The following SPPL2C variants were observed in gnomAD, a reference collection of about 807,000 sequenced individuals.
SPPL2C encodes signal peptide peptidase like 2C, also known as signal peptide peptidase-like 2C.
A neutral mutation model predicts 38.8 loss-of-function variants in SPPL2C; 33 were observed. The ratio of observed to expected loss-of-function variants is 0.85; its 90% CI spans 0.64 to 1.14. The LOEUF is 1.14. SPPL2C is among the 50% of genes most tolerant of loss of function. SPPL2C has a pLI of 0.00. For synonymous variants in SPPL2C, 384 were observed against 390.7 expected, an observed-to-expected ratio of 0.98 and a Z score of 0.20; for missense variants, 899 against 904.4, an observed-to-expected ratio of 0.99 and a Z score of 0.08.
rs1315346639 is a variant in SPPL2C at position 45,846,628 on chromosome 17, C to T, written c.1722C>T (p.Ser574=). The change falls in exon 1 of 1, where the codon AGC becomes AGT. Residue 574 remains serine (S), a synonymous_variant. Coordinates refer to ENST00000329196, the MANE Select transcript of SPPL2C (RefSeq NM_175882.3). ...GTSRGAGDLD[S]NPGEDTTEIV... is the part of the protein sequence containing the mutation. ...GCCGAGGAGCAGGGGACTTAGACAGCAACCCTGGAGAAGACACCACTGAGA... is the reference window on the plus strand; with the variant it reads ...GCCGAGGAGCAGGGGACTTAGACAGTAACCCTGGAGAAGACACCACTGAGA... 1 of 1,614,110 alleles carries T rather than the reference C, an allele frequency of 6.2e-7. No homozygotes were observed. Among genetic ancestry groups the T allele is most frequent in the African/African-American group, 1.3e-5 (1 of 74,948 alleles).
rs1401674914 is a variant in SPPL2C at position 45,845,684 on chromosome 17, G to C, written c.778G>C (p.Val260Leu). 6.2e-7 allele frequency: 1 copy of C among 1,613,674 alleles called. No homozygotes were observed. The change falls in exon 1 of 1, where the codon GTC (valine) becomes CTC (leucine). Residue 260 changes from valine (V) to leucine (L), a missense_variant. Coordinates refer to ENST00000329196, the MANE Select transcript of SPPL2C (RefSeq NM_175882.3). ...CACGCCGGCCATGACAGGCGTGGTG[G>C]TCACCCTGTCCTGCTCGCTCATGCT... is the stretch of plus-strand genomic sequence containing the variant. ...DFTPAMTGVV[V>L]TLSCSLMLLL...
Position 45,846,226 on chromosome 17 carries a change from C to T in SPPL2C, c.1320C>T (p.Pro440=), listed in dbSNP as rs2062544211. ...RVSALTLCSQ[P]FSILGFGDIV... is the part of the protein sequence containing the mutation. ...CCGCCTTGACCCTGTGCAGCCAGCC[C>T]TTCTCCATCCTTGGCTTCGGTGACA... is the stretch of plus-strand genomic sequence containing the variant. The change falls in exon 1 of 1, where the codon CCC becomes CCT. Residue 440 remains proline, a synonymous_variant. Transcript: ENST00000329196. 2 of 1,614,110 alleles carry T rather than the reference C, an allele frequency of 1.2e-6. No homozygotes were observed. Among genetic ancestry groups the T allele is most frequent in the Admixed American group, 1.7e-5 (1 of 60,004 alleles).
Position 45,846,821 on chromosome 17 carries a change from C to A in SPPL2C, c.1915C>A (p.Pro639Thr), listed in dbSNP as rs774067301. 3.1e-6 allele frequency: 5 copies of A among 1,613,976 alleles called. No homozygotes were observed. The South Asian group carries it at 3.3e-5, about 11-fold the overall frequency. The change falls in exon 1 of 1, where the codon CCC becomes ACC. Residue 639 changes from proline (P) to threonine (T), a missense_variant. Pro to Thr is a conservative substitution (Grantham distance 38). Coordinates refer to ENST00000329196, the MANE Select transcript of SPPL2C (RefSeq NM_175882.3). ...MPMAMLIPLMPLMPPPSELGH... is the reference protein window; with the variant it reads ...MPMAMLIPLMTLMPPPSELGH... ...AATGGCCATGCTGATCCCACTCATGCCCCTGATGCCCCCGCCCTCAGAGCT... is the reference window on the plus strand; with the variant it reads ...AATGGCCATGCTGATCCCACTCATGACCCTGATGCCCCCGCCCTCAGAGCT...
In SPPL2C at chr17:45,846,326, G is replaced by A. The variant is rs1296305858; in HGVS notation, c.1420G>A (p.Val474Met). ...AGTCTGCTCCCGTCAGATCTACTTC[G>A]TGGCCTGCACCGTGGCCTATGCTGT... is the stretch of plus-strand genomic sequence containing the variant. ...VQVCSRQIYF[V>M]ACTVAYAVGL... is the part of the protein sequence containing the mutation. Residue 474 changes from valine to methionine, a missense_variant, in exon 1 of 1, where the codon GTG becomes ATG. Val to Met is a conservative substitution (Grantham distance 21). Coordinates refer to ENST00000329196, the MANE Select transcript of SPPL2C (RefSeq NM_175882.3). 31 of 1,613,824 alleles carry A rather than the reference G, an allele frequency of 1.9e-5. No individual in the cohort carries two copies. Among genetic ancestry groups the A allele is most frequent in the African/African-American group, 4.0e-5 (3 of 74,874 alleles).
rs150496239 is a variant in SPPL2C, at chr17:45,844,960, C to G, written c.54C>G (p.Thr18=). The stretch of plus-strand genomic sequence containing the variant: ...TGGGCTTCCTCCTCCTCATCAGCAC[C>G]GTGGCCGGGGGAAAGTACGGCGTGG... ...LPVGFLLLIS[T]VAGGKYGVAH... The change falls in exon 1 of 1, where the codon ACC becomes ACG. Residue 18 remains threonine (T), a synonymous_variant. Transcript: ENST00000329196. 6 of 1,614,012 alleles carry G rather than the reference C, an allele frequency of 3.7e-6. No individual in the cohort carries two copies. The highest frequency in any genetic ancestry group is 3.3e-5 in the Admixed American group (2 of 60,018).
In SPPL2C at chr17:45,845,387, A is replaced by C; in HGVS notation, c.481A>C (p.Ile161Leu). 1.9e-6 allele frequency: 3 copies of C among 1,613,704 alleles called. No individual in the cohort carries two copies. Among genetic ancestry groups the C allele is most frequent in the Non-Finnish European group, 2.5e-6 (3 of 1,180,034 alleles). Residue 161 changes from isoleucine to leucine, a missense_variant, in exon 1 of 1, where the codon ATC becomes CTC. Transcript: ENST00000329196. ...AMLHYADMLDILSHTRGEAVV... is the reference protein window; with the variant it reads ...AMLHYADMLDLLSHTRGEAVV... ...GCTCCACTATGCTGACATGCTGGACATCCTCAGCCACACTCGTGGGGAGGC... is the reference window on the plus strand; with the variant it reads ...GCTCCACTATGCTGACATGCTGGACCTCCTCAGCCACACTCGTGGGGAGGC...
chr17:45,844,892 T>C lies in SPPL2C; in HGVS notation c.-15T>C. On this transcript the variant is annotated 5_prime_UTR_variant, in exon 1 of 1. It removes the in-frame stop codon of an upstream open reading frame in the 5' UTR. Transcript: ENST00000329196. ...GGGCTGCCGCCCGCAGATGTTGCAG[T>C]AGGAACTGAAGAAGATGGCGTGCCT... The C allele has an allele frequency of 2.5e-6, 4 of 1,585,700 alleles. No individual in the cohort carries two copies. The highest frequency in any genetic ancestry group is 3.4e-6 in the Non-Finnish European group (4 of 1,161,478).
Position 45,846,406 on chromosome 17 carries a change from C to G in SPPL2C, c.1500C>G (p.Ala500=), listed in dbSNP as rs2062546989. 21 of 1,613,394 alleles carry G rather than the reference C, an allele frequency of 1.3e-5. No individual in the cohort carries two copies. Among genetic ancestry groups the G allele is most frequent in the Non-Finnish European group, 1.8e-5 (21 of 1,180,032 alleles). The change falls in exon 1 of 1, where the codon GCC becomes GCG. Residue 500 remains alanine (A), a synonymous_variant. Coordinates refer to ENST00000329196, the MANE Select transcript of SPPL2C (RefSeq NM_175882.3). ...AMVLMQMGQP[A]LLYLVSSTLL... is the part of the protein sequence containing the mutation. ...TCCTCATGCAGATGGGCCAACCTGC[C>G]TTGCTCTACCTAGTGTCCAGCACCC... is the stretch of plus-strand genomic sequence containing the variant.
Position 45,846,567 on chromosome 17 carries a change from A to T in SPPL2C, c.1661A>T (p.Asp554Val). ...AGGCAGAAGCAGGAGGGCGCAGCAG[A>T]TGCCCACACAGCCAGCACACTTGAG... ...GSRQKQEGAA[D>V]AHTASTLERG... Residue 554 changes from aspartate to valine, a missense_variant, in exon 1 of 1, where the codon GAT becomes GTT. Physicochemically the swap from Asp to Val is radical, Grantham distance 152. Transcript: ENST00000329196. 1.9e-6 allele frequency: 3 copies of T among 1,613,424 alleles called. No homozygotes were observed. Among genetic ancestry groups the T allele is most frequent in the Non-Finnish European group, 2.5e-6 (3 of 1,180,020 alleles).
In SPPL2C at chr17:45,845,770, T is replaced by C; in HGVS notation, c.864T>C (p.Gly288=). The C allele has an allele frequency of 1.2e-6, 2 of 1,611,772 alleles. No homozygotes were observed. Among genetic ancestry groups the C allele is most frequent in the Admixed American group, 1.7e-5 (1 of 60,032 alleles). ...TCACCATTGGGATCTTTGGCCTGGG[T>C]GCTGGCATTGGCCTCTACAGCTGCC... ...VYVTIGIFGL[G]AGIGLYSCLS... Residue 288 remains glycine (G), a synonymous_variant, in exon 1 of 1, where the codon GGT becomes GGC. Transcript: ENST00000329196.
Position 45,845,676 on chromosome 17 carries a change from G to A in SPPL2C, c.770G>A (p.Gly257Asp). The change falls in exon 1 of 1, where the codon GGC becomes GAC. Residue 257 changes from glycine (G) to aspartate (D), a missense_variant. Coordinates refer to ENST00000329196, the MANE Select transcript of SPPL2C (RefSeq NM_175882.3). Reference protein sequence around the residue: ...IPVDFTPAMTGVVVTLSCSLM... With the variant: ...IPVDFTPAMTDVVVTLSCSLM... Reference sequence around the variant, plus strand: ...GTGGACTTCACGCCGGCCATGACAGGCGTGGTGGTCACCCTGTCCTGCTCG... The same window carrying A: ...GTGGACTTCACGCCGGCCATGACAGACGTGGTGGTCACCCTGTCCTGCTCG... The A allele has an allele frequency of 6.2e-7, 1 of 1,613,804 alleles. No individual in the cohort carries two copies. The highest frequency in any genetic ancestry group is 8.5e-7 in the Non-Finnish European group (1 of 1,180,036).
In SPPL2C at chr17:45,846,116, A is replaced by T. The variant is rs2062542365; in HGVS notation, c.1210A>T (p.Met404Leu). 31 of 1,614,106 alleles carry T rather than the reference A, an allele frequency of 1.9e-5. No individual in the cohort carries two copies. The highest frequency in any genetic ancestry group is 1.9e-5 in the Non-Finnish European group (23 of 1,180,022). Reference sequence around the variant, plus strand: ...CTTCACCAAAACCGGTGAGAGCATCATGGCGCAGGTTGCCTTGGGCCCTGC... The same window carrying T: ...CTTCACCAAAACCGGTGAGAGCATCTTGGCGCAGGTTGCCTTGGGCCCTGC... Reference protein sequence around the residue: ...PFFTKTGESIMAQVALGPAES... With the variant: ...PFFTKTGESILAQVALGPAES... The change falls in exon 1 of 1, where the codon ATG becomes TTG. Residue 404 changes from methionine to leucine, a missense_variant. Transcript: ENST00000329196.
Position 45,846,730 on chromosome 17 carries a change from C to A in SPPL2C, c.1824C>A (p.His608Gln). ...GCTCCGAGGGCTGGAGTGACGCCCACTTGGATCCTAATGAGCTGCCCTTCA... is the reference window on the plus strand; with the variant it reads ...GCTCCGAGGGCTGGAGTGACGCCCAATTGGATCCTAATGAGCTGCCCTTCA... ...SDSSEGWSDA[H>Q]LDPNELPFIP... Residue 608 changes from histidine (H) to glutamine (Q), a missense_variant, in exon 1 of 1, where the codon CAC becomes CAA. Physicochemically the swap from His to Gln is conservative, Grantham distance 24. Coordinates refer to ENST00000329196, the MANE Select transcript of SPPL2C (RefSeq NM_175882.3). 6 of 1,614,238 alleles carry A rather than the reference C, an allele frequency of 3.7e-6. No individual in the cohort carries two copies. Among genetic ancestry groups the A allele is most frequent in the Non-Finnish European group, 5.1e-6 (6 of 1,180,048 alleles).
chr17:45,846,826 G>A lies in SPPL2C; in HGVS notation c.1920G>A (p.Leu640=). 6.2e-7 allele frequency: 1 copy of A among 1,613,962 alleles called. No individual in the cohort carries two copies. The highest frequency in any genetic ancestry group is 8.5e-7 in the Non-Finnish European group (1 of 1,180,006). ...PMAMLIPLMP[L]MPPPSELGHV... ...CCATGCTGATCCCACTCATGCCCCT[G>A]ATGCCCCCGCCCTCAGAGCTGGGCC... Residue 640 remains leucine (L), a synonymous_variant, in exon 1 of 1, where the codon CTG becomes CTA. Transcript: ENST00000329196.
chr17:45,846,467 G>A lies in SPPL2C; in HGVS notation c.1561G>A (p.Glu521Lys). 6.2e-7 allele frequency: 1 copy of A among 1,612,906 alleles called. No homozygotes were observed. The highest frequency in any genetic ancestry group is 1.1e-5 in the South Asian group (1 of 91,086). Residue 521 changes from glutamate to lysine, a missense_variant, in exon 1 of 1, where the codon GAG (glutamate) becomes AAG (lysine). Glu to Lys is a moderately conservative substitution (Grantham distance 56). Coordinates refer to ENST00000329196, the MANE Select transcript of SPPL2C (RefSeq NM_175882.3). ...CCTGGCTGTGGCTGCCTGCCGCCAA[G>A]AGCTCAGCCTCTTCTGGACTGGCCA... Reference protein sequence around the residue: ...TSLAVAACRQELSLFWTGQGR... With the variant: ...TSLAVAACRQKLSLFWTGQGR...
chr17:45,845,670 T>C lies in SPPL2C; in HGVS notation c.764T>C (p.Met255Thr), dbSNP rs2062534800. 1.9e-6 allele frequency: 3 copies of C among 1,613,706 alleles called. No homozygotes were observed. Among genetic ancestry groups the C allele is most frequent in the South Asian group, 1.1e-5 (1 of 91,096 alleles). Residue 255 changes from methionine to threonine, a missense_variant, in exon 1 of 1, where the codon ATG becomes ACG. Met to Thr is a moderately conservative substitution (Grantham distance 81). Transcript: ENST00000329196. ...ATCCCAGTGGACTTCACGCCGGCCA[T>C]GACAGGCGTGGTGGTCACCCTGTCC... is the stretch of plus-strand genomic sequence containing the variant. ...EDIPVDFTPAMTGVVVTLSCS... is the reference protein window; with the variant it reads ...EDIPVDFTPATTGVVVTLSCS...
At position 45,845,997 on chromosome 17, in the gene SPPL2C, T is replaced by G; in HGVS notation, c.1091T>G (p.Leu364Arg). The change falls in exon 1 of 1, where the codon CTG becomes CGG. Residue 364 changes from leucine to arginine, a missense_variant. Transcript: ENST00000329196. ...TLGISYCLFV[L>R]HRVRLPTLKN... ...GGCATTTCCTACTGCCTGTTCGTCC[T>G]GCACCGTGTGCGGCTGCCCACTCTC... 6.2e-7 allele frequency: 1 copy of G among 1,613,584 alleles called. No individual in the cohort carries two copies. Among genetic ancestry groups the G allele is most frequent in the Non-Finnish European group, 8.5e-7 (1 of 1,180,020 alleles).
Position 45,846,836 on chromosome 17 carries a change from C to T in SPPL2C, c.1930C>T (p.Pro644Ser), listed in dbSNP as rs1481277813. ...LIPLMPLMPP[P>S]SELGHVHAQA... ...CCCACTCATGCCCCTGATGCCCCCGCCCTCAGAGCTGGGCCATGTCCATGC... is the reference window on the plus strand; with the variant it reads ...CCCACTCATGCCCCTGATGCCCCCGTCCTCAGAGCTGGGCCATGTCCATGC... Residue 644 changes from proline to serine, a missense_variant, in exon 1 of 1, where the codon CCC becomes TCC. By Grantham distance (74) the Pro-to-Ser change is moderately conservative. Coordinates refer to ENST00000329196, the MANE Select transcript of SPPL2C (RefSeq NM_175882.3). The T allele has an allele frequency of 6.2e-7, 1 of 1,613,802 alleles. No homozygotes were observed. Among genetic ancestry groups the T allele is most frequent in the Non-Finnish European group, 8.5e-7 (1 of 1,179,986 alleles).
chr17:45,845,806 G>C lies in SPPL2C; in HGVS notation c.900G>C (p.Leu300=), dbSNP rs752755138. The C allele has an allele frequency of 2.5e-6, 4 of 1,609,230 alleles. No homozygotes were observed. Among genetic ancestry groups the C allele is most frequent in the African/African-American group, 1.3e-5 (1 of 74,928 alleles). ...GCCTCTACAGCTGCCTGTCACCCCT[G>C]GTGTGCCGCCTGTCCCTGCGGCAAT... ...GIGLYSCLSP[L]VCRLSLRQYQ... Residue 300 remains leucine, a synonymous_variant, in exon 1 of 1, where the codon CTG becomes CTC. Transcript: ENST00000329196.
Sources: allele counts gnomAD v4.1 joint callset, GRCh38; gene constraint gnomAD v4.1.1; transcripts MANE v1.5; gene names NCBI Gene and HGNC (gene_info 2026-07-23, HGNC 2026-07-21).